The following TMC7 variants were observed in gnomAD, a reference collection of about 807,000 sequenced individuals.
The protein encoded by TMC7 is transmembrane channel-like protein 7.
In TMC7, 54 loss-of-function variants were observed where a neutral mutation model predicts 82.9. The observed-to-expected ratio is 0.65, with a 90% CI of 0.52 to 0.82. TMC7 has a LOEUF of 0.82. Ranked by LOEUF, TMC7 falls within the 40% of genes least tolerant of loss-of-function variation. TMC7 has a pLI of 0.00. For synonymous variants in TMC7, 350 were observed against 337.9 expected (o/e 1.04, Z -0.39); for missense variants, 820 against 901.2 (o/e 0.91, Z 1.15).
intron 1 of TMC7, among the ~76,000 whole-genome samples, chr16:18,986,170 C>T (rs553121639): frequency 6.6e-6 from 1 of 152,006 alleles, no homozygotes; most frequent in South Asian, 2.1e-4. Context: ...CCGTGGTGGG[C>T]AGATCACGAG....
intron 8 of TMC7, 90 bp from the exon 9 acceptor site, chr16:19,040,199 A>G (rs1960947550): frequency 1.7e-6 from 2 of 1,145,848 alleles, no homozygotes; most frequent in Non-Finnish European, 1.2e-6. Flanking sequence ...TGTTTGCCCA[A>G]CACACATAGT....
rs547615839 is a variant in TMC7, at chr16:19,013,899, G to T, written c.312-2551G>T. On this transcript the variant is annotated intron_variant, in intron 2 of 15. Transcript: ENST00000304381. ...GATGGGGTCTCGCTCTATTGCCCAG[G>T]CTGGAGTGCACTGGCACCATCTTGG... 5.9e-5 allele frequency among the ~76,000 whole-genome samples: 8 copies of T among 135,778 alleles called. No individual in the cohort carries two copies. In the East Asian group the frequency reaches 1.9e-3, roughly 32 times the overall value. The allele number at this position is 135,778 out of a possible 152,430, so 89.1% of individuals were successfully genotyped here.
chr16:19,014,145 C>T (rs554356369), intron 2 of TMC7, among the ~76,000 whole-genome samples: 2 of 152,132 alleles, frequency 1.3e-5, no homozygotes, highest in African/African-American at 2.4e-5. Context: ...GGATTACAGG[C>T]GTGAGCCACC....
chr16:18,983,998 A>AGGCGGCGGC lies in TMC7; in HGVS notation c.-53_-45dup, dbSNP rs759500658. ...CCGGCTCCGCGAGGGAAGGCCGGGG[A>AGGCGGCGGC]GGCGGCGGCGGCGGCGGCGGCTGGA... On this transcript the variant is annotated 5_prime_UTR_variant, in exon 1 of 16. Coordinates refer to ENST00000304381, the MANE Select transcript of TMC7 (RefSeq NM_024847.4). The AGGCGGCGGC allele has an allele frequency of 4.1e-3, 5,509 of 1,349,398 alleles. 169 individuals are homozygous for AGGCGGCGGC. The African/African-American group carries it at 0.074, about 18-fold the overall frequency. 83.6% of individuals were successfully genotyped at this position (1,349,398 alleles called of 1,614,324 possible).
At chr16:18,987,807 T>C (rs1419457134) in intron 1 of TMC7, among the ~76,000 whole-genome samples, 1 of 152,128 alleles carries the variant, frequency 6.6e-6, no homozygotes, top group African/African-American at 2.4e-5. Flanking sequence ...GAGTCTCAAG[T>C]GCAAATGTCA....
intron 2 of TMC7, chr16:19,012,088 C>T (rs1959384164): frequency 6.7e-6 from 1 of 149,930 alleles, no homozygotes; most frequent in African/African-American, 2.5e-5. Flanking sequence ...CAAGATGGCA[C>T]CACTGCACTT....
At chr16:19,025,306 T>G (rs1456941788) in intron 5 of TMC7, among the ~76,000 whole-genome samples, 1 of 152,076 alleles carries the variant, frequency 6.6e-6, no homozygotes, top group African/African-American at 2.4e-5. Flanking sequence ...AAATACTTTC[T>G]GAAAATTACT....
intron 13 of TMC7, among the ~76,000 whole-genome samples, chr16:19,052,932 C>T (rs12929356): frequency 0.19 from 28,740 of 152,070 alleles, 2,909 homozygotes; most frequent in Non-Finnish European, 0.21. Flanking sequence ...AGGCTGGTCT[C>T]GAACTCCTGA....
intron 6 of TMC7, among the ~76,000 whole-genome samples, chr16:19,034,442 C>T (rs1960651662): frequency 6.6e-6 from 1 of 151,654 alleles, no homozygotes; most frequent in Admixed American, 6.6e-5. Flanking sequence ...ACTAAAAATA[C>T]AGAAAATTAG....
At chr16:18,987,363 T>G (rs2038870220) in intron 1 of TMC7, among the ~76,000 whole-genome samples, 1 of 152,068 alleles carries the variant, frequency 6.6e-6, no homozygotes, top group Admixed American at 6.6e-5. Context: ...CAGGCTGGAG[T>G]GCAGTAGCGC....
intron 13 of TMC7, among the ~76,000 whole-genome samples, chr16:19,052,449 G>T (rs1195629121): frequency 1.3e-5 from 2 of 152,138 alleles, no homozygotes; most frequent in Non-Finnish European, 2.9e-5. Flanking sequence ...TCTTGCTTCA[G>T]CCTCCTGAAG....
intron 5 of TMC7, among the ~76,000 whole-genome samples, chr16:19,024,035 CAA>C (rs765901034): frequency 6.6e-6 from 1 of 152,172 alleles, no homozygotes; most frequent in Non-Finnish European, 1.5e-5. Context: ...CCTTATAAGT[CAA>C]TCCAAGGTTA....
intron 1 of TMC7, among the ~76,000 whole-genome samples, chr16:18,992,490 G>A (rs2038969777): frequency 6.6e-6 from 1 of 152,134 alleles, no homozygotes; most frequent in Admixed American, 6.6e-5. Context: ...GTAGATTCCG[G>A]ATATTAGCCT....
intron 13 of TMC7, among the ~76,000 whole-genome samples, chr16:19,052,047 C>T (rs534203215): frequency 1.3e-5 from 2 of 151,986 alleles, no homozygotes; most frequent in Non-Finnish European, 2.9e-5. Context: ...CAGGTTCAAA[C>T]AGCCTCCTGA....
At chr16:18,990,162 G>T (rs1403888940) in intron 1 of TMC7, among the ~76,000 whole-genome samples, 1 of 152,106 alleles carries the variant, frequency 6.6e-6, no homozygotes, top group Non-Finnish European at 1.5e-5. Flanking sequence ...CCTTCTTAAG[G>T]GTGGGGGAGA....
intron 14 of TMC7, among the ~76,000 whole-genome samples, chr16:19,058,957 A>T (rs562862186): frequency 1.3e-5 from 2 of 152,202 alleles, no homozygotes; most frequent in East Asian, 3.9e-4. Context: ...AGCTCACTGC[A>T]ACCTTTGCCT....
intron 1 of TMC7, among the ~76,000 whole-genome samples, chr16:18,992,237 T>G (rs1335408423): frequency 6.6e-6 from 1 of 152,220 alleles, no homozygotes; most frequent in Non-Finnish European, 1.5e-5. Flanking sequence ...TTCCTATTTC[T>G]CCACATCCTC....
chr16:19,047,157 G>A lies in TMC7; in HGVS notation c.1648G>A (p.Gly550Arg), dbSNP rs774940659. The change falls in exon 12 of 16, where the codon GGG (glycine) becomes AGG (arginine). Residue 550 changes from glycine (G) to arginine (R), a missense_variant. Coordinates refer to ENST00000304381, the MANE Select transcript of TMC7 (RefSeq NM_024847.4). ...TGATAACGTCCTGGGGATAGTTTAC[G>A]GGCAAACCATCTGCTGGATCGGAGC... ...IPDNVLGIVY[G>R]QTICWIGAFF... 3.7e-6 allele frequency: 6 copies of A among 1,613,848 alleles called. No individual in the cohort carries two copies. In the Admixed American group the frequency reaches 8.3e-5, roughly 22 times the overall value.
chr16:18,983,988 A>AAGGCCGGGG lies in TMC7; in HGVS notation c.-71_-63dup, dbSNP rs1042168774. ...ACCTGGAATCCCGGCTCCGCGAGGG[A>AAGGCCGGGG]AGGCCGGGGAGGCGGCGGCGGCGGC... On this transcript the variant is annotated 5_prime_UTR_variant, in exon 1 of 16. Coordinates refer to ENST00000304381, the MANE Select transcript of TMC7 (RefSeq NM_024847.4). 1 of 1,328,306 alleles carries AAGGCCGGGG rather than the reference A, an allele frequency of 7.5e-7. No homozygotes were observed. Among genetic ancestry groups the AAGGCCGGGG allele is most frequent in the African/African-American group, 1.6e-5 (1 of 62,016 alleles). The allele number at this position is 1,328,306 out of a possible 1,614,324, so 82.3% of individuals were successfully genotyped here.
Sources: gnomAD v4.1 joint callset for allele counts (sites outside exome capture counted in the v4.1 genomes callset) on GRCh38, gnomAD v4.1.1 for gene constraint, MANE v1.5 for transcripts, NCBI Gene and HGNC (gene_info 2026-07-23, HGNC 2026-07-21) for gene names.